Variants in TXNRD3 observed in about 807,000 individuals in gnomAD.
The protein encoded by TXNRD3 is thioredoxin reductase 3, also known as TXNRD3 neighbor gene protein.
Under a neutral mutation model 78.2 loss-of-function variants are expected in TXNRD3, and 68 were observed. That is an observed-to-expected ratio of 0.87 (90% CI 0.72 to 1.06). The LOEUF (loss-of-function observed/expected upper bound fraction) is 1.06. Among genes scored for constraint, TXNRD3 ranks in the 50% least tolerant of loss-of-function variants. The pLI is 0.00. For synonymous variants in TXNRD3, 296 were observed against 300.1 expected, an observed-to-expected ratio of 0.99 and a Z score of 0.14; for missense variants, 751 against 809.5, an observed-to-expected ratio of 0.93 and a Z score of 0.88.
rs1290516982 is a variant in TXNRD3 at position 126,646,110 on chromosome 3, C to T, written c.414+1G>A. The T allele has an allele frequency of 1.3e-6, 2 of 1,517,890 alleles. No individual in the cohort carries two copies. Among genetic ancestry groups the T allele is most frequent in the East Asian group, 2.5e-5 (1 of 40,520 alleles). 94.0% of individuals were successfully genotyped at this position (1,517,890 alleles called of 1,614,324 possible). ...TGAAGAACATATAATAGTATTATTACCTGGAAAGTTTGGTCACATCCACCT... is the reference window on the plus strand; with the variant it reads ...TGAAGAACATATAATAGTATTATTATCTGGAAAGTTTGGTCACATCCACCT... On this transcript the variant is annotated splice_donor_variant, in intron 3 of 15. Coordinates refer to ENST00000524230, the MANE Select transcript of TXNRD3 (RefSeq NM_052883.3). LOFTEE classifies it high-confidence loss of function.
intron 13 of TXNRD3, among the ~76,000 whole-genome samples, chr3:126,613,687 T>C (rs150673555): frequency 7.1e-4 from 108 of 152,348 alleles, no homozygotes; most frequent in Admixed American, 2.0e-3. Flanking sequence ...TGTAACATCA[T>C]AGTGTAACAC....
chr3:126,650,527 C>T (rs763773912), intron 1 of TXNRD3, among the ~76,000 whole-genome samples: 1 of 151,908 alleles, frequency 6.6e-6, no homozygotes, highest in Non-Finnish European at 1.5e-5. Flanking sequence ...TGTAGTCCCA[C>T]CTATTTGGAA....
chr3:126,620,376 G>A (rs1938423122), intron 12 of TXNRD3, among the ~76,000 whole-genome samples: 1 of 151,212 alleles, frequency 6.6e-6, no homozygotes, highest in South Asian at 2.1e-4. Context: ...TACTTTTGTT[G>A]AACTTCTCAG....
At chr3:126,612,992 C>A (rs560526152) in intron 13 of TXNRD3, among the ~76,000 whole-genome samples, 6 of 152,312 alleles carry the variant, frequency 3.9e-5, no homozygotes, top group Non-Finnish European at 7.3e-5. Flanking sequence ...TGTGCCACTG[C>A]TGCACAGCTG....
chr3:126,641,673 G>GAT lies in TXNRD3; in HGVS notation c.712+357_712+358dup, dbSNP rs1933092193. ...TCTTTTCCACTTTTCATTAACCAAA[G>GAT]ATATATATAACCACTGAGAAAAAAT... On this transcript the variant is annotated intron_variant, in intron 6 of 15. Transcript: ENST00000524230. 6.6e-5 allele frequency among the ~76,000 whole-genome samples: 10 copies of GAT among 152,100 alleles called. No homozygotes were observed. The South Asian group carries it at 2.1e-3, about 32-fold the overall frequency.
intron 12 of TXNRD3, among the ~76,000 whole-genome samples, chr3:126,615,821 G>A (rs775057164): frequency 3.9e-5 from 6 of 152,204 alleles, no homozygotes; most frequent in Non-Finnish European, 8.8e-5. Flanking sequence ...CTCTGCTCCT[G>A]GAGCACTTCT....
rs1461718817 is a variant in TXNRD3, at chr3:126,629,457, C to T, written c.1212G>A (p.Glu404=). The change falls in exon 10 of 16, where the codon GAG becomes GAA. Residue 404 remains glutamate (E), a synonymous_variant. Coordinates refer to ENST00000524230, the MANE Select transcript of TXNRD3 (RefSeq NM_052883.3). ...CTTTCAGCTTTCCAGGTGAACCTTT[C>T]TCCAACTGTTGAACCTAGTAAGAAT... The T allele has an allele frequency of 7.8e-6, 12 of 1,535,278 alleles. No individual in the cohort carries two copies. Among genetic ancestry groups the T allele is most frequent in the Middle Eastern group, 1.7e-4 (1 of 5,986 alleles).
At chr3:126,649,570 T>C (rs9647332) in intron 1 of TXNRD3, among the ~76,000 whole-genome samples, 1,801 of 152,348 alleles carry the variant, frequency 0.012, 19 homozygotes, top group Middle Eastern at 0.048. Context: ...TTATTCATAA[T>C]AGCCAAAAGG....
intron 10 of TXNRD3, among the ~76,000 whole-genome samples, chr3:126,623,159 T>C (rs1576285134): frequency 6.6e-6 from 1 of 152,230 alleles, no homozygotes; most frequent in Non-Finnish European, 1.5e-5. Flanking sequence ...ATGGCAGCCC[T>C]GGCAAACTAA....
At position 126,629,434 on chromosome 3, in the gene TXNRD3, T is replaced by G. The variant is rs866565044; in HGVS notation, c.1235A>C (p.Lys412Thr). 6.5e-7 allele frequency: 1 copy of G among 1,535,604 alleles called. No homozygotes were observed. The highest frequency in any genetic ancestry group is 1.4e-5 in the African/African-American group (1 of 73,156). ...TCCTTCAGTGGATTTAGCCAACACT[T>G]TCAGCTTTCCAGGTGAACCTTTCTC... Residue 412 changes from lysine (K) to threonine (T), a missense_variant, in exon 10 of 16, where the codon AAA becomes ACA. Transcript: ENST00000524230.
chr3:126,619,980 T>G (rs1050080907), intron 12 of TXNRD3, among the ~76,000 whole-genome samples: 7 of 152,132 alleles, frequency 4.6e-5, no homozygotes, highest in Non-Finnish European at 1.0e-4. Flanking sequence ...AAGAGCCACA[T>G]GTACTGTGCA....
At chr3:126,634,282 TGGA>T (rs1166875999) in intron 6 of TXNRD3, among the ~76,000 whole-genome samples, 2 of 152,258 alleles carry the variant, frequency 1.3e-5, no homozygotes, top group African/African-American at 4.8e-5. Context: ...GAAAAGTCCA[TGGA>T]GGAGAAAATG....
chr3:126,654,666 G>C (rs1933467695), intron 1 of TXNRD3, 82 bp downstream of exon 1: 10 of 985,840 alleles, frequency 1.0e-5, no homozygotes, highest in Non-Finnish European at 1.3e-5. Flanking sequence ...CGGGCGCCCC[G>C]GCCCGGACCC....
At chr3:126,646,073 A>G in intron 3 of TXNRD3, 38 bp downstream of exon 3, 1 of 1,427,694 alleles carries the variant, frequency 7.0e-7, no homozygotes, top group South Asian at 1.4e-5. Flanking sequence ...TTAAAATATG[A>G]ACAAACAGCA....
At position 126,615,396 on chromosome 3, in the gene TXNRD3, CAG is replaced by C. The variant is rs1938294725; in HGVS notation, c.1589_1590del (p.Ser530Ter). 5 of 1,519,878 alleles carry C rather than the reference CAG, an allele frequency of 3.3e-6. No individual in the cohort carries two copies. In the East Asian group the frequency reaches 1.2e-4, roughly 38 times the overall value. The allele number at this position is 1,519,878 out of a possible 1,614,324, so 94.1% of individuals were successfully genotyped here. A position where few individuals can be genotyped will look rare whatever the true frequency, so the allele number is the denominator to read the frequency against. ...TTATATACTTCAATAGCTTTCTCTTCAGATAATCCACAGCAACCATACTCCAG... is the reference window on the plus strand; with the variant it reads ...TTATATACTTCAATAGCTTTCTCTTCATAATCCACAGCAACCATACTCCAG... On this transcript the variant is annotated frameshift_variant, in exon 13 of 16. Coordinates refer to ENST00000524230, the MANE Select transcript of TXNRD3 (RefSeq NM_052883.3). LOFTEE classifies it high-confidence loss of function.
chr3:126,616,641 C>T (rs1938326576), intron 12 of TXNRD3, among the ~76,000 whole-genome samples: 1 of 152,140 alleles, frequency 6.6e-6, no homozygotes, highest in Admixed American at 6.5e-5. Context: ...TGCAGGCAGG[C>T]CCAGCCCTAG....
Position 126,608,623 on chromosome 3 carries a change from A to G in TXNRD3, c.1739T>C (p.Ile580Thr). The G allele has an allele frequency of 6.5e-7, 1 of 1,535,382 alleles. No individual in the cohort carries two copies. Among genetic ancestry groups the G allele is most frequent in the Non-Finnish European group, 8.7e-7 (1 of 1,146,620 alleles). ...GTTTGGTCCAAGAATATGAAATCCTATCACCCGATCCTTTAATACAGAAAC... is the reference window on the plus strand; with the variant it reads ...GTTTGGTCCAAGAATATGAAATCCTGTCACCCGATCCTTTAATACAGAAAC... The change falls in exon 15 of 16, where the codon ATA becomes ACA. Residue 580 changes from isoleucine (I) to threonine (T), a missense_variant. Ile to Thr is a moderately conservative substitution (Grantham distance 89). Coordinates refer to ENST00000524230, the MANE Select transcript of TXNRD3 (RefSeq NM_052883.3).
intron 12 of TXNRD3, among the ~76,000 whole-genome samples, chr3:126,621,451 C>G (rs539847677): frequency 2.0e-5 from 3 of 152,218 alleles, no homozygotes; most frequent in African/African-American, 4.8e-5. Context: ...CACACAACCA[C>G]ACTCTGCCTT....
At chr3:126,629,090 A>C (rs984841323) in intron 10 of TXNRD3, among the ~76,000 whole-genome samples, 10 of 152,054 alleles carry the variant, frequency 6.6e-5, no homozygotes, top group Non-Finnish European at 1.3e-4. Context: ...AAAATATTCA[A>C]ATTAAGAAAT....
Sources: allele counts gnomAD v4.1 joint callset (sites outside exome capture counted in the v4.1 genomes callset), GRCh38; gene constraint gnomAD v4.1.1; transcripts MANE v1.5; gene names NCBI Gene and HGNC (gene_info 2026-07-23, HGNC 2026-07-21).